Variants in ZNF469 observed in about 807,000 individuals in gnomAD.
ZNF469 encodes zinc finger protein 469.
In ZNF469, 1 loss-of-function variant was observed where a neutral mutation model predicts 1.0. That is an observed-to-expected ratio of 1.00 (90% confidence interval 0.35 to 4.73). The LOEUF (loss-of-function observed/expected upper bound fraction) is 4.73, where lower values mean the gene tolerates loss of function less well. Ranked by LOEUF, ZNF469 falls within the 30% of genes most tolerant of loss-of-function variation. ZNF469 has a pLI of 0.16. For synonymous variants in ZNF469, 2,703 were observed against 2,363.4 expected, an observed-to-expected ratio of 1.14 and a Z score of -4.17; for missense variants, 6,100 against 5,356.3, an observed-to-expected ratio of 1.14 and a Z score of -4.33.
the ZNF469 span, among the ~76,000 whole-genome samples, chr16:88,292,630 G>A: frequency 6.6e-6 from 1 of 152,004 alleles, no homozygotes; most frequent in South Asian, 2.1e-4. Context: ...ATCTTCTGGG[G>A]TGATGGTGGC....
the ZNF469 span, among the ~76,000 whole-genome samples, chr16:88,171,876 A>C: frequency 6.6e-6 from 1 of 152,222 alleles, no homozygotes; most frequent in Non-Finnish European, 1.5e-5. Context: ...CTATTTGGAC[A>C]TCTGGTTCTG....
At chr16:88,206,075 G>C in the ZNF469 span, among the ~76,000 whole-genome samples, 1 of 152,154 alleles carries the variant, frequency 6.6e-6, no homozygotes, top group Non-Finnish European at 1.5e-5. Flanking sequence ...TGAGGGAGGG[G>C]GGAGCTGTGC....
At chr16:88,120,133 T>A in the ZNF469 span, among the ~76,000 whole-genome samples, 1 of 152,112 alleles carries the variant, frequency 6.6e-6, no homozygotes, top group African/African-American at 2.4e-5. Flanking sequence ...GGGGGAGGCA[T>A]CGCCCCTGAG....
rs1322152532 is a variant in ZNF469 at position 88,428,450 on chromosome 16, C to G, written c.980C>G (p.Pro327Arg). ...GGCACGGGCCCTGCCTACCCGCTGCCCACCCAGCCTGCGCCCTCACCCCTG... is the reference window on the plus strand; with the variant it reads ...GGCACGGGCCCTGCCTACCCGCTGCGCACCCAGCCTGCGCCCTCACCCCTG... The part of the protein sequence containing the change: ...AVGTGPAYPL[P>R]TQPAPSPLPC... Residue 327 changes from proline to arginine, a missense_variant, in exon 3 of 3, where the codon CCC becomes CGC. Physicochemically the swap from Pro to Arg is moderately radical, Grantham distance 103. Transcript: ENST00000565624. 1 of 1,548,528 alleles carries G rather than the reference C, an allele frequency of 6.5e-7. No individual in the cohort carries two copies. Among genetic ancestry groups the G allele is most frequent in the South Asian group, 1.2e-5 (1 of 84,038 alleles).
the ZNF469 span, among the ~76,000 whole-genome samples, chr16:88,207,639 C>T: frequency 2.6e-5 from 4 of 151,388 alleles, no homozygotes; most frequent in South Asian, 8.5e-4. Flanking sequence ...CTAGACATAA[C>T]CAAGGTGTCG....
chr16:88,108,951 C>T, the ZNF469 span, among the ~76,000 whole-genome samples: 45 of 152,316 alleles, frequency 3.0e-4, no homozygotes, highest in Non-Finnish European at 6.0e-4. Flanking sequence ...TGAGCCTGTG[C>T]CACAGCTGCC....
intron 1 of ZNF469, among the ~76,000 whole-genome samples, chr16:88,392,388 CCAGCCTTCTCACGCCTGA>C (rs1472700786): frequency 3.9e-5 from 6 of 152,256 alleles, no homozygotes; most frequent in Non-Finnish European, 7.3e-5. Context: ...CCTCCCCAGC[CCAGCCTTCTCACGCCTGA>C]CAGCCTTCTC....
At chr16:88,327,436 T>G in the ZNF469 span, among the ~76,000 whole-genome samples, 2 of 152,152 alleles carry the variant, frequency 1.3e-5, no homozygotes. Flanking sequence ...GTGAAGCGGG[T>G]AGGCAGCCCC....
At chr16:88,166,800 C>CACACACAA in the ZNF469 span, among the ~76,000 whole-genome samples, 5 of 151,576 alleles carry the variant, frequency 3.3e-5, no homozygotes, top group Non-Finnish European at 7.4e-5. This position sits in a 1 kb window ranked among gnomAD's most constrained non-coding sequence, Gnocchi z 4.5. Context: ...CACACACACA[C>CACACACAA]AAATACATAT....
chr16:88,188,361 T>C, the ZNF469 span, among the ~76,000 whole-genome samples: 1 of 152,170 alleles, frequency 6.6e-6, no homozygotes, highest in African/African-American at 2.4e-5. Flanking sequence ...TTAGTGTCTG[T>C]GTAGACCTGG....
chr16:88,258,057 T>C, the ZNF469 span, among the ~76,000 whole-genome samples: 3 of 152,184 alleles, frequency 2.0e-5, no homozygotes, highest in Admixed American at 6.5e-5. Flanking sequence ...AAATGTGCAG[T>C]TTTGCCCCAA....
intron 1 of ZNF469, among the ~76,000 whole-genome samples, chr16:88,395,801 G>A (rs905625749): frequency 3.3e-5 from 5 of 152,214 alleles, no homozygotes; most frequent in African/African-American, 1.2e-4. Flanking sequence ...GCCACCATGC[G>A]GGGTGCACAT....
the ZNF469 span, among the ~76,000 whole-genome samples, chr16:88,169,713 C>G: frequency 1.8e-3 from 276 of 152,336 alleles, 1 homozygote; most frequent in African/African-American, 6.2e-3. The surrounding 1 kb of genome is among the most constrained non-coding windows in gnomAD (Gnocchi z 6.1). Flanking sequence ...TCTGCCCCTC[C>G]GTCCCAGCAC....
the ZNF469 span, among the ~76,000 whole-genome samples, chr16:88,265,993 G>A: frequency 1.3e-3 from 191 of 152,322 alleles, 3 homozygotes; most frequent in South Asian, 2.9e-3. Flanking sequence ...CTGAGTGCCC[G>A]GCCAGCTCCC....
intron 1 of ZNF469, among the ~76,000 whole-genome samples, chr16:88,390,496 G>A (rs546962976): frequency 2.6e-5 from 4 of 152,312 alleles, no homozygotes; most frequent in African/African-American, 9.6e-5. Flanking sequence ...AACCCCCACT[G>A]CTCCTCCTGA....
At chr16:88,242,320 C>A in the ZNF469 span, among the ~76,000 whole-genome samples, 1 of 152,238 alleles carries the variant, frequency 6.6e-6, no homozygotes, top group Non-Finnish European at 1.5e-5. Flanking sequence ...AATTCTTCAA[C>A]AATGCATTTC....
chr16:88,275,563 T>C, the ZNF469 span, among the ~76,000 whole-genome samples: 1 of 152,188 alleles, frequency 6.6e-6, no homozygotes, highest in Admixed American at 6.5e-5. Flanking sequence ...CACAGCATCC[T>C]TCCACCTCTG....
upstream of ZNF469, among the ~76,000 whole-genome samples, chr16:88,381,544 C>T (rs1461903526): frequency 6.6e-6 from 1 of 152,224 alleles, no homozygotes; most frequent in East Asian, 1.9e-4. Context: ...GGACCCCTGG[C>T]CCTTGAAACT....
At chr16:88,193,998 A>G in the ZNF469 span, among the ~76,000 whole-genome samples, 17 of 152,212 alleles carry the variant, frequency 1.1e-4, no homozygotes, top group Non-Finnish European at 2.9e-5. Context: ...TAAGGATTTC[A>G]ACAAATGAAT....
Sources: gnomAD v4.1 joint callset for allele counts (sites outside exome capture counted in the v4.1 genomes callset) on GRCh38, gnomAD v4.1.1 for gene constraint, Gnocchi (gnomAD v3.1) non-coding constraint, MANE v1.5 for transcripts, NCBI Gene and HGNC (gene_info 2026-07-23, HGNC 2026-07-21) for gene names.